The following PIK3CA variants were observed in gnomAD, a reference collection of about 807,000 sequenced individuals.
PIK3CA encodes phosphatidylinositol 4,5-bisphosphate 3-kinase catalytic subunit alpha isoform.
PIK3CA carries 27 observed loss-of-function variants against 138.2 expected under a neutral mutation model. That is an observed-to-expected ratio of 0.20 (90% CI 0.14 to 0.27). The LOEUF is 0.27. PIK3CA is among the 10% of genes least tolerant of loss of function. PIK3CA has a pLI of 1.00. For missense variants in PIK3CA, 544 were observed against 1,277.4 expected (o/e 0.43, Z 8.75); for synonymous variants, 358 against 413.2 (o/e 0.87, Z 1.62).
chr3:179,210,318 A>G lies in PIK3CA; in HGVS notation c.1384A>G (p.Thr462Ala), dbSNP rs1242912405. ...AGATTTGCTGAACCCTATTGGTGTT[A>G]CTGGATCAAATCCAAATAAAGTAAG... Reference protein sequence around the residue: ...LEDLLNPIGVTGSNPNKETPC... With the variant: ...LEDLLNPIGVAGSNPNKETPC... The change falls in exon 8 of 21, where the codon ACT becomes GCT. Residue 462 changes from threonine to alanine, a missense_variant. Physicochemically the swap from Thr to Ala is moderately conservative, Grantham distance 58. Transcript: ENST00000263967. The G allele has an allele frequency of 1.3e-6, 2 of 1,587,152 alleles. No homozygotes were observed. The highest frequency in any genetic ancestry group is 1.7e-6 in the Non-Finnish European group (2 of 1,173,468).
At chr3:179,216,349 G>A (rs942491300) in intron 9 of PIK3CA, among the ~76,000 whole-genome samples, 17 of 151,758 alleles carry the variant, frequency 1.1e-4, no homozygotes, top group Admixed American at 1.1e-3. Context: ...TGAACAGCCT[G>A]TTTTACAGTA....
chr3:179,202,350 G>A (rs1030096728), intron 4 of PIK3CA, among the ~76,000 whole-genome samples: 30 of 152,192 alleles, frequency 2.0e-4, no homozygotes, highest in Admixed American at 2.0e-3. Flanking sequence ...GATTACAGGC[G>A]TGAGCCATTG....
chr3:179,170,604 A>G (rs1352385312), intron 1 of PIK3CA, among the ~76,000 whole-genome samples: 1 of 152,250 alleles, frequency 6.6e-6, no homozygotes, highest in Non-Finnish European at 1.5e-5. Flanking sequence ...AGGAGGTTGG[A>G]TGATTTCCTT....
rs1416271932 is a variant in PIK3CA, at chr3:179,220,277, A to G, written c.2015+225A>G. On this transcript the variant is annotated intron_variant, in intron 13 of 20. Coordinates refer to ENST00000263967, the MANE Select transcript of PIK3CA (RefSeq NM_006218.4). This position sits in a 1 kb window ranked among gnomAD's most constrained non-coding sequence, Gnocchi z 4.1. ...ATTTTAGTCATGAATGAGAGCTTAA[A>G]TATTTTTAAAGATTTTTGTTCTACT... Among the ~76,000 whole-genome samples the G allele has an allele frequency of 6.6e-6, 1 of 152,144 alleles. No individual in the cohort carries two copies. Among genetic ancestry groups the G allele is most frequent in the Non-Finnish European group, 1.5e-5 (1 of 68,002 alleles).
intron 9 of PIK3CA, among the ~76,000 whole-genome samples, chr3:179,213,720 AAG>A (rs1246060895): frequency 6.6e-6 from 1 of 152,242 alleles, no homozygotes; most frequent in Non-Finnish European, 1.5e-5. Flanking sequence ...AGCCCCTAAC[AAG>A]AGAGTCAGCC....
chr3:179,152,476 C>G (rs1357937600), intron 1 of PIK3CA, among the ~76,000 whole-genome samples: 1 of 152,126 alleles, frequency 6.6e-6, no homozygotes, highest in Non-Finnish European at 1.5e-5. Flanking sequence ...GAATTTGAGG[C>G]ACCATGGTTC....
intron 1 of PIK3CA, among the ~76,000 whole-genome samples, chr3:179,195,149 C>G (rs1224698119): frequency 1.3e-5 from 2 of 151,778 alleles, no homozygotes; most frequent in South Asian, 4.2e-4. Context: ...GCACCGGCAT[C>G]TGAGCCACTC....
intron 1 of PIK3CA, among the ~76,000 whole-genome samples, chr3:179,155,616 C>A (rs1052005245): frequency 6.6e-6 from 1 of 152,024 alleles, no homozygotes; most frequent in African/African-American, 2.4e-5. Context: ...TAAAAGTAAT[C>A]TAGAGATGAT....
At chr3:179,202,944 T>G (rs1042610784) in intron 4 of PIK3CA, among the ~76,000 whole-genome samples, 3 of 147,872 alleles carry the variant, frequency 2.0e-5, no homozygotes, top group African/African-American at 7.5e-5. Context: ...TCCTTGTTTT[T>G]TTTTTTTTTT....
At chr3:179,209,285 G>A (rs1489309803) in intron 6 of PIK3CA, among the ~76,000 whole-genome samples, 1 of 151,880 alleles carries the variant, frequency 6.6e-6, no homozygotes, top group Non-Finnish European at 1.5e-5. Context: ...AATACTCTTA[G>A]TGTATGAGAT....
intron 9 of PIK3CA, among the ~76,000 whole-genome samples, chr3:179,210,871 C>G (rs895768511): frequency 6.6e-6 from 1 of 152,182 alleles, no homozygotes; most frequent in Admixed American, 6.5e-5. Context: ...AGTATGCACT[C>G]TAACTGTGAA....
rs2108428970 is a variant in PIK3CA at position 179,234,104 on chromosome 3, A to T, written c.2947A>T (p.Met983Leu). The change falls in exon 21 of 21, where the codon ATG (methionine) becomes TTG (leucine). Residue 983 changes from methionine (M) to leucine (L), a missense_variant. Physicochemically the swap from Met to Leu is conservative, Grantham distance 15. Transcript: ENST00000263967. This position sits in a 1 kb window ranked among gnomAD's most constrained non-coding sequence, Gnocchi z 5.1. ...TCTTATTACTTATAGGTTTCAGGAG[A>T]TGTGTTACAAGGCTTATCTAGCTAT... ...KTREFERFQE[M>L]CYKAYLAIRQ... 1 of 1,606,142 alleles carries T rather than the reference A, an allele frequency of 6.2e-7. No homozygotes were observed. Among genetic ancestry groups the T allele is most frequent in the East Asian group, 2.2e-5 (1 of 44,658 alleles).
At chr3:179,187,567 G>C (rs925300177) in intron 1 of PIK3CA, among the ~76,000 whole-genome samples, 2 of 149,622 alleles carry the variant, frequency 1.3e-5, no homozygotes, top group Admixed American at 1.3e-4. Context: ...AGAGAGAAAC[G>C]GATCCTTTAT....
At chr3:179,197,640 A>G (rs1724302609) in intron 1 of PIK3CA, among the ~76,000 whole-genome samples, 1 of 152,348 alleles carries the variant, frequency 6.6e-6, no homozygotes, top group Non-Finnish European at 1.5e-5. Context: ...TGTCATTTAT[A>G]GCTCTTACCT....
chr3:179,193,643 C>T (rs1176122704), intron 1 of PIK3CA, among the ~76,000 whole-genome samples: 1 of 152,184 alleles, frequency 6.6e-6, no homozygotes, highest in Admixed American at 6.5e-5. Context: ...TGTGCACACG[C>T]ACACACACTC....
At position 179,210,520 on chromosome 3, in the gene PIK3CA, G is replaced by T. The variant is rs1271146910; in HGVS notation, c.1494G>T (p.Trp498Cys). Residue 498 changes from tryptophan (W) to cysteine (C), a missense_variant, in exon 9 of 21, where the codon TGG becomes TGT. Around this residue, in one of 14 missense-constraint regions of PIK3CA, gnomAD observed 52 missense variants for 83.4 expected, o/e 0.62. Transcript: ENST00000263967. ...CAGTGATTGAAGAGCATGCCAATTG[G>T]TCTGTATCCCGAGAAGCAGGATTTA... ...DMSVIEEHANWSVSREAGFSY... is the reference protein window; with the variant it reads ...DMSVIEEHANCSVSREAGFSY... 3.7e-6 allele frequency: 6 copies of T among 1,613,868 alleles called. No homozygotes were observed. Among genetic ancestry groups the T allele is most frequent in the Middle Eastern group, 1.6e-4 (1 of 6,082 alleles).
intron 1 of PIK3CA, among the ~76,000 whole-genome samples, chr3:179,179,802 G>A (rs1723793891): frequency 6.6e-6 from 1 of 152,016 alleles, no homozygotes; most frequent in Admixed American, 6.6e-5. Context: ...CTTGATTTTT[G>A]TTTTTGAATT....
intron 1 of PIK3CA, among the ~76,000 whole-genome samples, chr3:179,151,821 C>T (rs1723021526): frequency 2.6e-5 from 4 of 152,186 alleles, no homozygotes; most frequent in Admixed American, 1.3e-4. Flanking sequence ...TTCACATCAC[C>T]TCCTTTGAAA....
At chr3:179,223,304 T>A (rs1033058904) in intron 14 of PIK3CA, among the ~76,000 whole-genome samples, 1 of 152,206 alleles carries the variant, frequency 6.6e-6, no homozygotes, top group African/African-American at 2.4e-5. Context: ...TTTCCCCCAC[T>A]CACATTTTAT....
Sources: gnomAD v4.1 joint callset for allele counts (sites outside exome capture counted in the v4.1 genomes callset) on GRCh38, gnomAD v4.1.1 for gene constraint, gnomAD v4.1.1 regional missense constraint, Gnocchi (gnomAD v3.1) non-coding constraint, MANE v1.5 for transcripts, NCBI Gene and HGNC (gene_info 2026-07-23, HGNC 2026-07-21) for gene names.